Variants in TRHDE observed in about 807,000 individuals in gnomAD.
TRHDE encodes the protein thyrotropin releasing hormone degrading enzyme, also known as thyrotropin-releasing hormone-degrading ectoenzyme.
A neutral mutation model predicts 125.7 loss-of-function variants in TRHDE; 72 were observed. The ratio of observed to expected loss-of-function variants is 0.57; its 90% CI spans 0.47 to 0.70. TRHDE has a LOEUF of 0.70. TRHDE is among the 30% of genes least tolerant of loss of function. TRHDE has a pLI of 0.00. For synonymous variants in TRHDE, 509 were observed against 509.1 expected (o/e 1.00, Z 0.00); for missense variants, 1,110 against 1,327.1 (o/e 0.84, Z 2.54).
intron 2 of TRHDE, among the ~76,000 whole-genome samples, chr12:72,180,743 C>G (rs1328510444): frequency 6.6e-6 from 1 of 152,108 alleles, no homozygotes; most frequent in Non-Finnish European, 1.5e-5. Flanking sequence ...CTACCCCATG[C>G]AAACTTCCAT....
chr12:72,264,025 C>A (rs181848522), intron 2 of TRHDE: 1 of 151,814 alleles, frequency 6.6e-6, no homozygotes, highest in Non-Finnish European at 1.5e-5. Context: ...TCCATAAATG[C>A]GATTTAAAAA....
chr12:72,593,689 C>T (rs547479338), intron 12 of TRHDE, among the ~76,000 whole-genome samples: 2 of 152,178 alleles, frequency 1.3e-5, no homozygotes, highest in South Asian at 4.1e-4. Flanking sequence ...CTGACAGGCC[C>T]TGTGTGTAAT....
intron 3 of TRHDE, among the ~76,000 whole-genome samples, chr12:72,454,186 G>GT (rs201465755): frequency 0.099 from 14,848 of 150,400 alleles, 907 homozygotes; most frequent in African/African-American, 0.16. Flanking sequence ...TGATAAATTT[G>GT]TTTTTTTTTA....
At chr12:72,655,683 T>C (rs539808456) in intron 17 of TRHDE, among the ~76,000 whole-genome samples, 5 of 152,182 alleles carry the variant, frequency 3.3e-5, no homozygotes, top group Admixed American at 1.3e-4. Context: ...GAACAGACTG[T>C]ACCTTATTAT....
intron 2 of TRHDE, among the ~76,000 whole-genome samples, chr12:72,327,397 T>G (rs1307785242): frequency 6.6e-6 from 1 of 152,202 alleles, no homozygotes; most frequent in African/African-American, 2.4e-5. Flanking sequence ...GTGAATGTCC[T>G]TTCTCACATC....
intron 2 of TRHDE, among the ~76,000 whole-genome samples, chr12:72,367,084 G>T (rs1050642953): frequency 2.0e-5 from 3 of 152,042 alleles, no homozygotes. Flanking sequence ...TTAGCACTGA[G>T]ATTTTACTCC....
At chr12:72,374,218 G>C (rs1357380695) in intron 2 of TRHDE, among the ~76,000 whole-genome samples, 1 of 151,952 alleles carries the variant, frequency 6.6e-6, no homozygotes, top group African/African-American at 2.4e-5. Flanking sequence ...TGAACATACA[G>C]GGGTTGGGTA....
intron 6 of TRHDE, among the ~76,000 whole-genome samples, chr12:72,505,222 T>A (rs1216907319): frequency 1.3e-5 from 2 of 152,180 alleles, no homozygotes; most frequent in East Asian, 3.9e-4. Context: ...CAAGCATTTT[T>A]TAGAGTGGGA....
chr12:72,145,071 C>G (rs966582013), intron 2 of TRHDE, among the ~76,000 whole-genome samples: 11 of 152,158 alleles, frequency 7.2e-5, no homozygotes, highest in Non-Finnish European at 1.0e-4. Context: ...ACCCCTTCCA[C>G]AGAGAAGCCA....
chr12:72,437,969 T>C (rs1160993902), intron 3 of TRHDE, among the ~76,000 whole-genome samples: 1 of 151,836 alleles, frequency 6.6e-6, no homozygotes, highest in Non-Finnish European at 1.5e-5. Flanking sequence ...CATTCTATTT[T>C]CTACTTCTAT....
chr12:72,377,972 C>G (rs757948283), intron 2 of TRHDE, 23 bp from the exon 3 acceptor site: 1 of 1,528,798 alleles, frequency 6.5e-7, no homozygotes. Context: ...GCTAAAGTAA[C>G]TTTTATATAT....
intron 2 of TRHDE, among the ~76,000 whole-genome samples, chr12:72,145,706 G>GTTTTGT (rs1876211120): frequency 6.6e-6 from 1 of 152,024 alleles, no homozygotes; most frequent in African/African-American, 2.4e-5. Flanking sequence ...GACCCATTTC[G>GTTTTGT]TTTTGTTTTC....
At chr12:72,108,313 CAGA>C (rs1387554077) in intron 2 of TRHDE, among the ~76,000 whole-genome samples, 3 of 152,062 alleles carry the variant, frequency 2.0e-5, no homozygotes, top group Non-Finnish European at 2.9e-5. Context: ...CTGAAACTAT[CAGA>C]AGAACAGTTC....
chr12:72,593,281 T>C (rs1355880491), intron 12 of TRHDE, among the ~76,000 whole-genome samples: 1 of 152,188 alleles, frequency 6.6e-6, no homozygotes, highest in African/African-American at 2.4e-5. Context: ...ATTTTATAGA[T>C]AAAGTGTCTA....
At chr12:72,456,391 T>G (rs573211296) in intron 3 of TRHDE, among the ~76,000 whole-genome samples, 2 of 152,290 alleles carry the variant, frequency 1.3e-5, no homozygotes, top group African/African-American at 4.8e-5. Flanking sequence ...TAGCACTTCA[T>G]GTTATGTGTA....
Position 72,109,622 on chromosome 12 carries a change from CAAT to C in TRHDE, n.279+3871_279+3873del, listed in dbSNP as rs559417004. Reference sequence around the variant, plus strand: ...GCTTTAAGTTAATGTCTTTACACAACAATGTTTTAAACAAAACAAAACAAAAGG... The same window carrying C: ...GCTTTAAGTTAATGTCTTTACACAACGTTTTAAACAAAACAAAACAAAAGG... On this transcript the variant is annotated intron_variant and non_coding_transcript_variant, in intron 2 of 4. Coordinates refer to the TRHDE transcript ENST00000548156. 2.0e-3 allele frequency among the ~76,000 whole-genome samples: 158 copies of C among 78,896 alleles called. 4 individuals are homozygous for C. In the East Asian group the frequency reaches 0.027, roughly 14 times the overall value. The allele number at this position is 78,896 out of a possible 152,430, so 51.8% of individuals were successfully genotyped here. A position where few individuals can be genotyped will look rare whatever the true frequency, so the allele number is the denominator to read the frequency against.
intron 12 of TRHDE, among the ~76,000 whole-genome samples, chr12:72,605,158 G>A (rs1872383461): frequency 6.6e-6 from 1 of 152,022 alleles, no homozygotes; most frequent in Non-Finnish European, 1.5e-5. Flanking sequence ...GTCCCTGGAT[G>A]TTTTATAAAC....
intron 5 of TRHDE, among the ~76,000 whole-genome samples, chr12:72,479,651 T>TC (rs1035382857): frequency 6.6e-5 from 10 of 151,432 alleles, no homozygotes; most frequent in Admixed American, 6.6e-4. Flanking sequence ...TTTTTTGTTT[T>TC]TTTTTAATTT....
At chr12:72,118,314 A>G (rs1261006857) in intron 2 of TRHDE, among the ~76,000 whole-genome samples, 1 of 152,104 alleles carries the variant, frequency 6.6e-6, no homozygotes, top group Non-Finnish European at 1.5e-5. Context: ...AAATGATCAT[A>G]TAGTTTTTGT....
Sources: allele counts gnomAD v4.1 joint callset (sites outside exome capture counted in the v4.1 genomes callset), GRCh38; gene constraint gnomAD v4.1.1; transcripts MANE v1.5; gene names NCBI Gene and HGNC (gene_info 2026-07-23, HGNC 2026-07-21).